Variants in PAK3 observed in about 807,000 individuals in gnomAD.
PAK3 encodes the protein p21 (RAC1) activated kinase 3, also known as serine/threonine-protein kinase PAK 3.
PAK3 carries 4 observed loss-of-function variants against 41.0 expected under a neutral mutation model. That is an observed-to-expected ratio of 0.10 (90% CI 0.05 to 0.22). PAK3 has a LOEUF of 0.22. Ranked by LOEUF, PAK3 falls within the 10% of genes least tolerant of loss-of-function variation. The probability of loss-of-function intolerance (pLI) is 1.00; values close to 1 mark genes in which losing one functional copy is unlikely to be tolerated. For missense variants in PAK3, 205 were observed against 409.9 expected, an observed-to-expected ratio of 0.50 and a Z score of 4.32; for synonymous variants, 146 against 139.6, an observed-to-expected ratio of 1.05 and a Z score of -0.32.
At chrX:111,022,780 G>T (rs1458648677) in intron 1 of PAK3, among the ~76,000 whole-genome samples, 1 of 111,317 alleles carries the variant, frequency 9.0e-6, no homozygotes, top group Non-Finnish European at 1.9e-5. Flanking sequence ...AGTTTCTGCT[G>T]TCTTCAGGAG....
rs1336559020 is a variant in PAK3, at chrX:111,221,542, G to A, written c.*1095G>A. On this transcript the variant is annotated 3_prime_UTR_variant, in exon 18 of 18. Transcript: ENST00000372007. ...TATGCACTGTAAAATAGGCATACCA[G>A]GAGGAAATAGATACATTAATCATCA... 1 of 112,054 alleles carries A rather than the reference G, an allele frequency of 8.9e-6. No individual in the cohort carries two copies. The highest frequency in any genetic ancestry group is 2.8e-4 in the East Asian group (1 of 3,600). 9.2% of individuals were successfully genotyped at this position (112,054 alleles called of 1,213,427 possible). A position where few individuals can be genotyped will look rare whatever the true frequency, so the allele number is the denominator to read the frequency against.
At chrX:110,953,848 G>A (rs1303625684) in intron 1 of PAK3, among the ~76,000 whole-genome samples, 1 of 111,809 alleles carries the variant, frequency 8.9e-6, no homozygotes, top group African/African-American at 3.3e-5. Context: ...ATTTAATAAT[G>A]AGTATATTTC....
At chrX:111,167,385 G>T (rs1040652037) in intron 10 of PAK3, among the ~76,000 whole-genome samples, 1 of 110,961 alleles carries the variant, frequency 9.0e-6, no homozygotes, top group African/African-American at 3.3e-5. Context: ...AAGAGTAGAT[G>T]GCAGCCTCTA....
intron 11 of PAK3, among the ~76,000 whole-genome samples, chrX:111,188,707 A>G (rs143180083): frequency 1.4e-3 from 156 of 111,702 alleles, no homozygotes; most frequent in African/African-American, 4.8e-3. Flanking sequence ...TGATGATAAT[A>G]GCAGCTACCA....
intron 1 of PAK3, among the ~76,000 whole-genome samples, chrX:110,969,376 C>T (rs777236926): frequency 3.8e-5 from 4 of 105,971 alleles, no homozygotes; most frequent in East Asian, 5.9e-4. Flanking sequence ...TTCTACCGCC[C>T]GGGTTTAAGC....
At chrX:111,117,600 A>G (rs186574598) in intron 4 of PAK3, among the ~76,000 whole-genome samples, 87 of 111,883 alleles carry the variant, frequency 7.8e-4, no homozygotes, top group Non-Finnish European at 1.4e-3. Flanking sequence ...ACTAGTGCTG[A>G]TATTTCCAAA....
intron 7 of PAK3, among the ~76,000 whole-genome samples, chrX:111,149,611 C>T (rs2093998452): frequency 1.8e-5 from 2 of 112,550 alleles, no homozygotes; most frequent in South Asian, 7.3e-4. Context: ...GCTGCCAAGG[C>T]TTGGGGATTC....
At chrX:110,964,235 C>A (rs769627321) in intron 1 of PAK3, among the ~76,000 whole-genome samples, 2 of 112,006 alleles carry the variant, frequency 1.8e-5, no homozygotes, top group Non-Finnish European at 3.8e-5. Context: ...GTTTGAACCA[C>A]AATTTTTCTG....
chrX:111,037,935 G>A (rs1055918702), intron 1 of PAK3, among the ~76,000 whole-genome samples: 1 of 111,260 alleles, frequency 9.0e-6, no homozygotes, highest in African/African-American at 3.3e-5. Context: ...GCAACATAGT[G>A]ATTACAATCC....
chrX:111,009,788 A>C (rs1569505378), intron 1 of PAK3, among the ~76,000 whole-genome samples: 1 of 112,111 alleles, frequency 8.9e-6, no homozygotes. Flanking sequence ...CACTGCGCTA[A>C]ATGTGTTTCA....
At chrX:111,161,528 T>C (rs1826999303) in intron 8 of PAK3, among the ~76,000 whole-genome samples, 1 of 111,140 alleles carries the variant, frequency 9.0e-6, no homozygotes, top group Admixed American at 9.5e-5. Flanking sequence ...GTTTTAGACA[T>C]GAAGTCCTTG....
intron 6 of PAK3, among the ~76,000 whole-genome samples, chrX:111,142,529 T>G (rs2093886346): frequency 8.9e-6 from 1 of 111,975 alleles, no homozygotes; most frequent in Non-Finnish European, 1.9e-5. Context: ...CAGAGAATCA[T>G]CTACTCACCT....
At chrX:111,202,590 T>C (rs1321193698) in intron 16 of PAK3, among the ~76,000 whole-genome samples, 1 of 112,234 alleles carries the variant, frequency 8.9e-6, no homozygotes, top group African/African-American at 3.2e-5. Context: ...TTTTTGTTAA[T>C]TGAAGACTTT....
At chrX:110,982,599 T>C (rs1228123187) in intron 1 of PAK3, among the ~76,000 whole-genome samples, 1 of 112,345 alleles carries the variant, frequency 8.9e-6, no homozygotes, top group African/African-American at 3.2e-5. Flanking sequence ...TTCAGATCAC[T>C]GTGTGTTTTG....
At chrX:111,145,165 A>T (rs1185265503) in intron 6 of PAK3, among the ~76,000 whole-genome samples, 1 of 111,898 alleles carries the variant, frequency 8.9e-6, no homozygotes, top group African/African-American at 3.2e-5. Context: ...TGGCTTTATG[A>T]CTATGTGCCT....
At chrX:111,084,541 C>T (rs868469996) in intron 1 of PAK3, among the ~76,000 whole-genome samples, 14 of 112,413 alleles carry the variant, frequency 1.2e-4, no homozygotes, top group Non-Finnish European at 2.3e-4. Flanking sequence ...ATATTCCACC[C>T]TCAGCTCAAG....
chrX:110,951,474 C>T (rs973967913), intron 1 of PAK3, among the ~76,000 whole-genome samples: 34 of 111,997 alleles, frequency 3.0e-4, no homozygotes, highest in Admixed American at 2.9e-3. Flanking sequence ...ATATTTTTCT[C>T]GATATTGCCA....
intron 1 of PAK3, among the ~76,000 whole-genome samples, chrX:111,008,541 G>A (rs1396687820): frequency 8.9e-6 from 1 of 112,578 alleles, no homozygotes; most frequent in Non-Finnish European, 1.9e-5. Context: ...GCAGTGAGTA[G>A]GTGTTCAGTG....
chrX:110,950,472 A>G (rs1433133931), intron 1 of PAK3, among the ~76,000 whole-genome samples: 2 of 111,387 alleles, frequency 1.8e-5, no homozygotes, highest in African/African-American at 3.3e-5. Flanking sequence ...GGTTTGTTAC[A>G]TAGGTATACA....
Sources: gnomAD v4.1 joint callset for allele counts (sites outside exome capture counted in the v4.1 genomes callset) on GRCh38, gnomAD v4.1.1 for gene constraint, MANE v1.5 for transcripts, NCBI Gene and HGNC (gene_info 2026-07-23, HGNC 2026-07-21) for gene names.